AK7: variants seen among roughly 807,000 people sequenced by gnomAD.
The protein encoded by AK7 is adenylate kinase 7.
AK7 carries 78 observed loss-of-function variants against 96.6 expected under a neutral mutation model. The observed-to-expected ratio is 0.81, with a 90% confidence interval of 0.67 to 0.97. AK7 has a LOEUF of 0.97. Ranked by LOEUF, AK7 falls within the 50% of genes least tolerant of loss-of-function variation. AK7 has a pLI of 0.00. For missense variants in AK7, 855 were observed against 887.9 expected (o/e 0.96, Z 0.47); for synonymous variants, 302 against 317.2 (o/e 0.95, Z 0.51).
chr14:96,488,288 CT>C lies in AK7; in HGVS notation c.2134-10del. The C allele has an allele frequency of 6.2e-7, 1 of 1,605,884 alleles. No individual in the cohort carries two copies. The highest frequency in any genetic ancestry group is 8.5e-7 in the Non-Finnish European group (1 of 1,174,118). On this transcript the variant is annotated splice_polypyrimidine_tract_variant and intron_variant, in intron 17 of 17. Coordinates refer to ENST00000267584, the MANE Select transcript of AK7 (RefSeq NM_152327.5). ...AATAACTTGTAAACTGTTGACTTGT[CT>C]TTTTTTAAATTGTAGGCAGAATATC...
intron 7 of AK7, among the ~76,000 whole-genome samples, chr14:96,443,611 G>A (rs1057492177): frequency 1.3e-5 from 2 of 152,046 alleles, no homozygotes; most frequent in South Asian, 2.1e-4. Flanking sequence ...CCAAGACCCT[G>A]AACCTAATTT....
In AK7 at chr14:96,464,337, A is replaced by G. The variant is rs923933792; in HGVS notation, c.1357+6125A>G. Among the ~76,000 whole-genome samples the G allele has an allele frequency of 5.9e-5, 9 of 151,926 alleles. No individual in the cohort carries two copies. The South Asian group carries it at 1.5e-3, about 25-fold the overall frequency. On this transcript the variant is annotated intron_variant, in intron 12 of 17. Transcript: ENST00000267584. Reference sequence around the variant, plus strand: ...CCAAGGTGGGAGGATCTCTTGAGGCAAGAAATTCCAGACCAGCCTGGGCAA... The same window carrying G: ...CCAAGGTGGGAGGATCTCTTGAGGCGAGAAATTCCAGACCAGCCTGGGCAA...
intron 5 of AK7, among the ~76,000 whole-genome samples, chr14:96,426,398 A>AT (rs146439069): frequency 0.085 from 12,956 of 151,906 alleles, 634 homozygotes; most frequent in East Asian, 0.12. Context: ...TGTAGTTATT[A>AT]TTTTTTTTGG....
chr14:96,472,707 G>T lies in AK7; in HGVS notation c.1507G>T (p.Asp503Tyr). 6.2e-7 allele frequency: 1 copy of T among 1,612,962 alleles called. No homozygotes were observed. Among genetic ancestry groups the T allele is most frequent in the Non-Finnish European group, 8.5e-7 (1 of 1,178,996 alleles). ...CTTAGAGGAAGATGAGGAGGAGGAAGATGATGTCAGAGGCAGAATGTTTCC... is the reference window on the plus strand; with the variant it reads ...CTTAGAGGAAGATGAGGAGGAGGAATATGATGTCAGAGGCAGAATGTTTCC... ...LFNQEDEEEE[D>Y]DVRGRMFPFD... The change falls in exon 14 of 18, where the codon GAT becomes TAT. Residue 503 changes from aspartate to tyrosine, a missense_variant. Transcript: ENST00000267584.
chr14:96,453,935 A>T (rs1047124377), intron 10 of AK7, among the ~76,000 whole-genome samples: 1 of 152,036 alleles, frequency 6.6e-6, no homozygotes, highest in Admixed American at 6.6e-5. Flanking sequence ...GCTCGTCAGG[A>T]CTCAGTTCCA....
intron 17 of AK7, among the ~76,000 whole-genome samples, chr14:96,487,583 C>T (rs1175831899): frequency 6.6e-6 from 1 of 151,134 alleles, no homozygotes; most frequent in Non-Finnish European, 1.5e-5. Context: ...TGTGCACCAC[C>T]ACCCCAGGCT....
At chr14:96,402,289 C>G (rs1890461386) in intron 2 of AK7, among the ~76,000 whole-genome samples, 1 of 152,076 alleles carries the variant, frequency 6.6e-6, no homozygotes, top group South Asian at 2.1e-4. Context: ...AAGCAGGGCC[C>G]ACAAATGTTT....
intron 5 of AK7, among the ~76,000 whole-genome samples, chr14:96,436,696 C>A (rs966252631): frequency 3.9e-5 from 6 of 152,138 alleles, no homozygotes; most frequent in Admixed American, 3.3e-4. Context: ...TTGCACCATC[C>A]CCTGTTCGCC....
chr14:96,452,305 G>A (rs879050292), intron 10 of AK7, among the ~76,000 whole-genome samples: 1 of 151,860 alleles, frequency 6.6e-6, no homozygotes, highest in Admixed American at 6.6e-5. Flanking sequence ...GGAAACAAAG[G>A]CTCAAAGAGA....
chr14:96,456,422 A>C lies in AK7; in HGVS notation c.1174A>C (p.Lys392Gln). The change falls in exon 11 of 18, where the codon AAA becomes CAA. Residue 392 changes from lysine (K) to glutamine (Q), a missense_variant. By Grantham distance (53) the Lys-to-Gln change is moderately conservative. Transcript: ENST00000267584. The stretch of plus-strand genomic sequence containing the variant: ...TGCTAAAGAATTGGCCAACTACTAC[A>C]AACTGCATCACATCCAACTGAAGGA... The part of the protein sequence containing the change: ...SIAKELANYY[K>Q]LHHIQLKDVI... 6.2e-7 allele frequency: 1 copy of C among 1,614,004 alleles called. No homozygotes were observed. Among genetic ancestry groups the C allele is most frequent in the Non-Finnish European group, 8.5e-7 (1 of 1,179,924 alleles).
intron 3 of AK7, among the ~76,000 whole-genome samples, chr14:96,408,632 T>C (rs945471558): frequency 6.6e-6 from 1 of 152,220 alleles, no homozygotes; most frequent in African/African-American, 2.4e-5. Context: ...CTGAAATGCT[T>C]GGTTGTGAAC....
intron 12 of AK7, among the ~76,000 whole-genome samples, chr14:96,464,158 G>A (rs1244262620): frequency 6.6e-6 from 1 of 152,118 alleles, no homozygotes. Context: ...ACAGTGAGAA[G>A]AGATAGTTTA....
chr14:96,471,391 C>A, intron 12 of AK7, 87 bp from the exon 13 acceptor site: 22 of 625,352 alleles, frequency 3.5e-5, no homozygotes, highest in South Asian at 3.2e-4. Flanking sequence ...TTTGACTACA[C>A]AACAATTTTT....
intron 5 of AK7, among the ~76,000 whole-genome samples, chr14:96,432,287 C>T (rs1250212367): frequency 2.0e-5 from 3 of 148,072 alleles, no homozygotes; most frequent in African/African-American, 7.4e-5. Context: ...TGTCTCTGCA[C>T]ATGAGATGGG....
At chr14:96,468,452 C>T (rs149237539) in intron 12 of AK7, among the ~76,000 whole-genome samples, 3,985 of 151,974 alleles carry the variant, frequency 0.026, 193 homozygotes, top group African/African-American at 0.091. Context: ...CATGCCACCA[C>T]GCCCGGCTAA....
chr14:96,395,718 GAAAAA>G (rs71103518), intron 1 of AK7, among the ~76,000 whole-genome samples: 1 of 41,034 alleles, frequency 2.4e-5, no homozygotes, highest in African/African-American at 6.7e-5. Flanking sequence ...CTTGTCTCTA[GAAAAA>G]AAAAAAAAAA....
chr14:96,401,849 T>C (rs1890427395), intron 2 of AK7, among the ~76,000 whole-genome samples: 1 of 152,198 alleles, frequency 6.6e-6, no homozygotes, highest in African/African-American at 2.4e-5. Flanking sequence ...TCTTCTCCTA[T>C]GAGACAAAAT....
At chr14:96,444,697 A>G (rs1893134119) in intron 7 of AK7, among the ~76,000 whole-genome samples, 1 of 152,076 alleles carries the variant, frequency 6.6e-6, no homozygotes, top group South Asian at 2.1e-4. Flanking sequence ...ACCTGGTACT[A>G]ACCTATCGGT....
intron 5 of AK7, 132 bp downstream of exon 5, chr14:96,421,064 T>TGCAG: frequency 1.8e-6 from 1 of 567,434 alleles, no homozygotes; most frequent in Non-Finnish European, 3.1e-6. Context: ...TTAGGGGTCC[T>TGCAG]GGCCCAGGTT....
Sources: gnomAD v4.1 joint callset for allele counts (sites outside exome capture counted in the v4.1 genomes callset) on GRCh38, gnomAD v4.1.1 for gene constraint, MANE v1.5 for transcripts, NCBI Gene and HGNC (gene_info 2026-07-23, HGNC 2026-07-21) for gene names.